Variants in RAB27A observed in about 807,000 individuals in gnomAD.
RAB27A encodes the protein ras-related protein Rab-27A.
A neutral mutation model predicts 20.8 loss-of-function variants in RAB27A; 17 were observed. That is an observed-to-expected ratio of 0.82 (90% CI 0.56 to 1.23). The LOEUF is 1.23. Ranked by LOEUF, RAB27A falls within the 50% of genes most tolerant of loss-of-function variation. The pLI is 0.00. For synonymous variants in RAB27A, 85 were observed against 92.8 expected (o/e 0.92, Z 0.48); for missense variants, 277 against 266.7 (o/e 1.04, Z -0.27).
At chr15:55,256,417 AAAAG>A (rs1418743206) in intron 2 of RAB27A, among the ~76,000 whole-genome samples, 4 of 152,166 alleles carry the variant, frequency 2.6e-5, no homozygotes, top group Non-Finnish European at 5.9e-5. Context: ...CTGTCTCAAA[AAAAG>A]AAAGAAAGAG....
chr15:55,265,937 C>G (rs1199142715), intron 2 of RAB27A, among the ~76,000 whole-genome samples: 2 of 152,152 alleles, frequency 1.3e-5, no homozygotes, highest in East Asian at 3.8e-4. Flanking sequence ...AGAAGGCCAC[C>G]ACGGGCTCTT....
intron 3 of RAB27A, among the ~76,000 whole-genome samples, chr15:55,233,977 A>C (rs1307069902): frequency 6.6e-6 from 1 of 152,190 alleles, no homozygotes; most frequent in Non-Finnish European, 1.5e-5. Context: ...TGGTAGTAGA[A>C]TAAAATACTA....
intron 6 of RAB27A, among the ~76,000 whole-genome samples, chr15:55,221,660 T>C (rs1388219319): frequency 6.6e-6 from 1 of 152,118 alleles, no homozygotes; most frequent in Non-Finnish European, 1.5e-5. Flanking sequence ...ATGCCCTTTC[T>C]GGTTAGGGTG....
chr15:55,279,256 G>A (rs1897953831), intron 1 of RAB27A, among the ~76,000 whole-genome samples: 1 of 152,114 alleles, frequency 6.6e-6, no homozygotes, highest in East Asian at 1.9e-4. Context: ...ACAAAACACA[G>A]GACAACACAG....
intron 1 of RAB27A, among the ~76,000 whole-genome samples, chr15:55,282,703 C>T (rs1293657538): frequency 6.6e-6 from 1 of 152,132 alleles, no homozygotes; most frequent in Non-Finnish European, 1.5e-5. Flanking sequence ...GTCCCCTGCT[C>T]ATGTGGCTTT....
chr15:55,237,583 A>G (rs1458138058), intron 2 of RAB27A: 1 of 152,132 alleles, frequency 6.6e-6, no homozygotes. Context: ...TCTCCAAAAA[A>G]CGACAACTTG....
At chr15:55,275,227 G>C in intron 1 of RAB27A, among the ~76,000 whole-genome samples, 1 of 151,710 alleles carries the variant, frequency 6.6e-6, no homozygotes. Flanking sequence ...ACTCCAGCCT[G>C]GGTGACAGAG....
chr15:55,316,295 C>G (rs912244897), intron 1 of RAB27A, among the ~76,000 whole-genome samples: 3 of 150,510 alleles, frequency 2.0e-5, no homozygotes, highest in African/African-American at 7.3e-5. Flanking sequence ...AGCTGGAAAC[C>G]ATCATTCTCA....
At chr15:55,277,336 G>A (rs376922887) in intron 1 of RAB27A, among the ~76,000 whole-genome samples, 2 of 152,248 alleles carry the variant, frequency 1.3e-5, no homozygotes, top group East Asian at 3.9e-4. Flanking sequence ...GTAAAACAAC[G>A]TCCACGTATA....
intron 6 of RAB27A, among the ~76,000 whole-genome samples, chr15:55,208,411 T>G (rs28673043): frequency 1.3e-5 from 2 of 152,268 alleles, no homozygotes; most frequent in Admixed American, 1.3e-4. Flanking sequence ...TAATGCATAA[T>G]GAACACAGAA....
intron 2 of RAB27A, among the ~76,000 whole-genome samples, chr15:55,235,959 T>C (rs1360666461): frequency 6.6e-6 from 1 of 152,030 alleles, no homozygotes; most frequent in African/African-American, 2.4e-5. Flanking sequence ...GGAGTGAAGC[T>C]ATGAGGAAGC....
intron 2 of RAB27A, among the ~76,000 whole-genome samples, chr15:55,260,369 G>T (rs1315928927): frequency 6.6e-6 from 1 of 152,172 alleles, no homozygotes; most frequent in Non-Finnish European, 1.5e-5. Context: ...CTTTGTTATA[G>T]ACAGTTTGGC....
At chr15:55,241,850 C>T (rs1896505115) in intron 2 of RAB27A, among the ~76,000 whole-genome samples, 4 of 151,246 alleles carry the variant, frequency 2.6e-5, no homozygotes, top group Admixed American at 2.6e-4. Context: ...GCACATGTAC[C>T]CCTGAACTTA....
In RAB27A at chr15:55,203,031, C is replaced by A. The variant is rs1301344342; in HGVS notation, c.*2476G>T. On this transcript the variant is annotated 3_prime_UTR_variant, in exon 7 of 7. Coordinates refer to ENST00000336787, the MANE Select transcript of RAB27A (RefSeq NM_183235.3). ...CACATGGTTCACTGAAGATACACTT[C>A]ACTTTTACATAGGCTTGTAAATAGA... 6.6e-6 allele frequency: 1 copy of A among 152,182 alleles called. No individual in the cohort carries two copies. The highest frequency in any genetic ancestry group is 1.5e-5 in the Non-Finnish European group (1 of 68,040). 9.4% of individuals were successfully genotyped at this position (152,182 alleles called of 1,614,324 possible).
chr15:55,316,049 T>C (rs567317162), intron 1 of RAB27A, among the ~76,000 whole-genome samples: 1 of 151,984 alleles, frequency 6.6e-6, no homozygotes, highest in Non-Finnish European at 1.5e-5. Context: ...CTGGCCAAAA[T>C]GGTGAAACCC....
At chr15:55,282,005 A>G (rs551060202) in intron 1 of RAB27A, among the ~76,000 whole-genome samples, 2 of 152,334 alleles carry the variant, frequency 1.3e-5, no homozygotes, top group South Asian at 2.1e-4. Flanking sequence ...GAATTGGAAC[A>G]GAAAAGTAGC....
chr15:55,276,621 G>C (rs1393867987), intron 1 of RAB27A, among the ~76,000 whole-genome samples: 2 of 152,210 alleles, frequency 1.3e-5, no homozygotes, highest in Admixed American at 1.3e-4. Context: ...CCCAGAAGCA[G>C]AGAGCAGAAT....
chr15:55,258,652 A>C (rs149785667), intron 2 of RAB27A, among the ~76,000 whole-genome samples: 1 of 152,222 alleles, frequency 6.6e-6, no homozygotes, highest in Non-Finnish European at 1.5e-5. Flanking sequence ...TCCCAACTTC[A>C]TATCTTCACC....
At chr15:55,273,336 G>T (rs556126236) in intron 1 of RAB27A, among the ~76,000 whole-genome samples, 2 of 151,548 alleles carry the variant, frequency 1.3e-5, no homozygotes, top group African/African-American at 4.9e-5. Context: ...TTGAACCCGG[G>T]AGGCGGAGGT....
Sources: allele counts gnomAD v4.1 joint callset (sites outside exome capture counted in the v4.1 genomes callset), GRCh38; gene constraint gnomAD v4.1.1; transcripts MANE v1.5; gene names NCBI Gene and HGNC (gene_info 2026-07-23, HGNC 2026-07-21).